The following RABGAP1L variants were observed in gnomAD, a reference collection of about 807,000 sequenced individuals.
RABGAP1L encodes RAB GTPase activating protein 1 like.
In RABGAP1L, 63 loss-of-function variants were observed where a neutral mutation model predicts 137.7. The observed-to-expected ratio is 0.46, with a 90% CI of 0.37 to 0.56. RABGAP1L has a LOEUF of 0.56. Among genes scored for constraint, RABGAP1L ranks in the 20% least tolerant of loss-of-function variants. RABGAP1L has a pLI of 0.00. For synonymous variants in RABGAP1L, 431 were observed against 433.7 expected, an observed-to-expected ratio of 0.99 and a Z score of 0.08; for missense variants, 1,095 against 1,244.0, an observed-to-expected ratio of 0.88 and a Z score of 1.80.
At chr1:174,898,700 T>C (rs1657640964) in intron 19 of RABGAP1L, among the ~76,000 whole-genome samples, 1 of 152,226 alleles carries the variant, frequency 6.6e-6, no homozygotes, top group South Asian at 2.1e-4. Context: ...AGGGCCTTGG[T>C]CTATTGCAAG....
chr1:174,908,808 T>C (rs1409202367), intron 19 of RABGAP1L, among the ~76,000 whole-genome samples: 1 of 149,512 alleles, frequency 6.7e-6, no homozygotes, highest in Non-Finnish European at 1.5e-5. Flanking sequence ...CCTCCCCAAG[T>C]GCTGGGATTA....
At chr1:174,720,308 G>T (rs67276708) in intron 17 of RABGAP1L, among the ~76,000 whole-genome samples, 73,896 of 145,866 alleles carry the variant, frequency 0.51, 21,045 homozygotes, top group African/African-American at 0.8. Context: ...CAGATAGTTG[G>T]TTTTTTTTTT....
intron 13 of RABGAP1L, among the ~76,000 whole-genome samples, chr1:174,546,887 G>A (rs942302734): frequency 8.6e-5 from 13 of 151,254 alleles, no homozygotes; most frequent in Non-Finnish European, 1.0e-4. Flanking sequence ...AAAATTAGCC[G>A]GGCGTGGTGG....
At chr1:174,879,545 T>C (rs1177636601) in intron 19 of RABGAP1L, among the ~76,000 whole-genome samples, 1 of 152,154 alleles carries the variant, frequency 6.6e-6, no homozygotes, top group Non-Finnish European at 1.5e-5. Context: ...TACTATGATT[T>C]TTTTAAATGG....
intron 3 of RABGAP1L, among the ~76,000 whole-genome samples, chr1:174,224,706 A>G (rs1292427535): frequency 6.6e-6 from 1 of 152,094 alleles, no homozygotes; most frequent in Non-Finnish European, 1.5e-5. Flanking sequence ...TACATTGAAA[A>G]ACCTACCAGT....
In RABGAP1L at chr1:174,781,758, G is replaced by A. The variant is rs184964985; in HGVS notation, c.2211+29404G>A. Among the ~76,000 whole-genome samples, 9 of 152,258 alleles carry A rather than the reference G, an allele frequency of 5.9e-5. No individual in the cohort carries two copies. The East Asian group carries it at 1.7e-3, about 29-fold the overall frequency. ...TAATTTTTGTATAAGGTATAAGGAA[G>A]GGATCCAGTTTCAGGTTTCTACATA... On this transcript the variant is annotated intron_variant, in intron 18 of 25. Coordinates refer to ENST00000681986, the MANE Select transcript of RABGAP1L (RefSeq NM_001366446.1).
chr1:174,647,880 C>T (rs1675117355), intron 14 of RABGAP1L, among the ~76,000 whole-genome samples: 1 of 152,090 alleles, frequency 6.6e-6, no homozygotes, highest in South Asian at 2.1e-4. Flanking sequence ...GCCTTAGTTT[C>T]AGAACTTGTT....
At chr1:174,336,900 A>G (rs1311360756) in intron 11 of RABGAP1L, among the ~76,000 whole-genome samples, 1 of 78,212 alleles carries the variant, frequency 1.3e-5, no homozygotes, top group Non-Finnish European at 2.3e-5. Context: ...AGAGAGAGAA[A>G]GAGAGAGAAA....
intron 13 of RABGAP1L, among the ~76,000 whole-genome samples, chr1:174,418,396 C>T (rs1383704767): frequency 6.6e-6 from 1 of 152,134 alleles, no homozygotes; most frequent in African/African-American, 2.4e-5. Context: ...TGGACCAGTA[C>T]AATGGTGTCT....
chr1:174,739,921 T>C (rs1393582172), intron 17 of RABGAP1L, among the ~76,000 whole-genome samples: 1 of 152,216 alleles, frequency 6.6e-6, no homozygotes, highest in African/African-American at 2.4e-5. Context: ...TGAAGTGGTA[T>C]GTTTAGTCTT....
intron 1 of RABGAP1L, among the ~76,000 whole-genome samples, chr1:174,171,679 T>A (rs1294709873): frequency 6.6e-6 from 1 of 150,532 alleles, no homozygotes; most frequent in Non-Finnish European, 1.5e-5. Context: ...ATACTCTTGT[T>A]TCTGCGTATT....
chr1:174,408,413 T>C (rs1649524785), intron 13 of RABGAP1L, among the ~76,000 whole-genome samples: 1 of 152,222 alleles, frequency 6.6e-6, no homozygotes, highest in Non-Finnish European at 1.5e-5. Flanking sequence ...TTTCTGTGGC[T>C]GCATAGTATT....
chr1:174,904,253 TC>T (rs1282648149), intron 19 of RABGAP1L, among the ~76,000 whole-genome samples: 1 of 152,002 alleles, frequency 6.6e-6, no homozygotes, highest in African/African-American at 2.4e-5. Flanking sequence ...ATGCCTATAA[TC>T]CCTGTACTTT....
intron 13 of RABGAP1L, among the ~76,000 whole-genome samples, chr1:174,609,058 G>A (rs1670991697): frequency 6.6e-6 from 1 of 151,982 alleles, no homozygotes; most frequent in Admixed American, 6.6e-5. Flanking sequence ...TAACACTTAT[G>A]CCTAATTACC....
chr1:174,686,692 C>G (rs1422832273), intron 15 of RABGAP1L, among the ~76,000 whole-genome samples: 1 of 128,734 alleles, frequency 7.8e-6, no homozygotes, highest in African/African-American at 2.7e-5. Flanking sequence ...GAGTCTCGCT[C>G]AGTTGCCAGG....
At chr1:174,387,739 A>G (rs1021960974) in intron 12 of RABGAP1L, among the ~76,000 whole-genome samples, 1 of 151,920 alleles carries the variant, frequency 6.6e-6, no homozygotes, top group Non-Finnish European at 1.5e-5. Context: ...TTCAGTGTAC[A>G]TTTTTTTCAG....
intron 19 of RABGAP1L, among the ~76,000 whole-genome samples, chr1:174,856,735 T>C (rs1330113237): frequency 1.3e-5 from 2 of 152,046 alleles, no homozygotes; most frequent in South Asian, 2.1e-4. Context: ...GAAACCAGAC[T>C]GGCCAACATG....
chr1:174,258,564 A>C (rs1373883480), intron 7 of RABGAP1L, among the ~76,000 whole-genome samples: 1 of 152,126 alleles, frequency 6.6e-6, no homozygotes, highest in Non-Finnish European at 1.5e-5. Flanking sequence ...TGGCTTCCCA[A>C]AGTGCTGGGA....
chr1:174,250,399 C>A (rs537440621), intron 5 of RABGAP1L, 76 bp from the exon 6 acceptor site: 2 of 1,099,110 alleles, frequency 1.8e-6, no homozygotes, highest in Admixed American at 2.8e-5. Context: ...ATTGTAGATT[C>A]AAGAGTTAGG....
Sources: gnomAD v4.1 joint callset for allele counts (sites outside exome capture counted in the v4.1 genomes callset) on GRCh38, gnomAD v4.1.1 for gene constraint, MANE v1.5 for transcripts, NCBI Gene and HGNC (gene_info 2026-07-23, HGNC 2026-07-21) for gene names.